PRKCA: variants seen among roughly 807,000 people sequenced by gnomAD.
PRKCA encodes protein kinase C alpha type.
Under a neutral mutation model 87.0 loss-of-function variants are expected in PRKCA, and 27 were observed. That is an observed-to-expected ratio of 0.31 (90% CI 0.23 to 0.43). PRKCA has a LOEUF of 0.43. PRKCA is among the 20% of genes least tolerant of loss of function. The probability of loss-of-function intolerance (pLI) is 1.00; values close to 1 mark genes in which losing one functional copy is unlikely to be tolerated. For synonymous variants in PRKCA, 329 were observed against 311.1 expected (o/e 1.06, Z -0.61); for missense variants, 518 against 852.3 (o/e 0.61, Z 4.88).
intron 5 of PRKCA, among the ~76,000 whole-genome samples, chr17:66,646,269 C>T (rs1971451875): frequency 6.6e-6 from 1 of 152,212 alleles, no homozygotes; most frequent in South Asian, 2.1e-4. Context: ...TCTGCCACAA[C>T]ATGGCTTTTT....
At chr17:66,499,878 A>G (rs936641469) in intron 3 of PRKCA, among the ~76,000 whole-genome samples, 2 of 152,186 alleles carry the variant, frequency 1.3e-5, no homozygotes, top group Non-Finnish European at 2.9e-5. Context: ...ATGCATTCAC[A>G]CCTGCATCCA....
At chr17:66,648,053 C>T (rs999520172) in intron 5 of PRKCA, among the ~76,000 whole-genome samples, 7 of 152,094 alleles carry the variant, frequency 4.6e-5, no homozygotes, top group Non-Finnish European at 1.0e-4. Context: ...AAGATCGAGG[C>T]CCCAGCAGAT....
intron 7 of PRKCA, 88 bp from the exon 8 acceptor site, chr17:66,688,863 A>G: frequency 1.3e-6 from 1 of 780,100 alleles, no homozygotes; most frequent in Non-Finnish European, 2.2e-6. Flanking sequence ...TCTCCGTAGG[A>G]TGCGTTTCAC....
chr17:66,706,415 C>T (rs1012700376), intron 8 of PRKCA, among the ~76,000 whole-genome samples: 1 of 151,658 alleles, frequency 6.6e-6, no homozygotes, highest in Non-Finnish European at 1.5e-5. Flanking sequence ...GCAGGCAGAT[C>T]GCAAGGTCAG....
chr17:66,695,942 T>C (rs1301061075), intron 8 of PRKCA, among the ~76,000 whole-genome samples: 1 of 152,188 alleles, frequency 6.6e-6, no homozygotes, highest in Admixed American at 6.5e-5. Flanking sequence ...TTGTATGAGC[T>C]CTCTAAAGGG....
chr17:66,570,735 T>C (rs1170554432), intron 3 of PRKCA, among the ~76,000 whole-genome samples: 1 of 152,186 alleles, frequency 6.6e-6, no homozygotes, highest in Non-Finnish European at 1.5e-5. Flanking sequence ...TCTGGAGCTG[T>C]GTATTTAAAT....
intron 5 of PRKCA, among the ~76,000 whole-genome samples, chr17:66,666,749 A>G (rs1446594295): frequency 6.6e-6 from 1 of 152,180 alleles, no homozygotes; most frequent in Admixed American, 6.5e-5. Context: ...CAGATAAATG[A>G]TATGTAGAAT....
chr17:66,482,768 A>G (rs879830382), intron 2 of PRKCA, among the ~76,000 whole-genome samples: 8 of 152,240 alleles, frequency 5.3e-5, no homozygotes, highest in Non-Finnish European at 1.2e-4. Flanking sequence ...TTAAAGTAAT[A>G]TATTTAACCC....
chr17:66,362,881 A>G (rs1908479005), intron 2 of PRKCA, among the ~76,000 whole-genome samples: 1 of 151,898 alleles, frequency 6.6e-6, no homozygotes, highest in Admixed American at 6.6e-5. Flanking sequence ...TTTAGTAGAG[A>G]TGGGATTTTG....
At chr17:66,334,822 A>G (rs1033693660) in intron 2 of PRKCA, among the ~76,000 whole-genome samples, 33 of 152,244 alleles carry the variant, frequency 2.2e-4, no homozygotes, top group Non-Finnish European at 2.9e-5. Context: ...TCATAGCAGT[A>G]TTCATAATAG....
Position 66,788,926 on chromosome 17 carries a change from G to T in PRKCA, c.1801G>T (p.Asp601Tyr), listed in dbSNP as rs923604011. 2 of 1,614,072 alleles carry T rather than the reference G, an allele frequency of 1.2e-6. No individual in the cohort carries two copies. Among genetic ancestry groups the T allele is most frequent in the Non-Finnish European group, 1.7e-6 (2 of 1,179,998 alleles). The stretch of plus-strand genomic sequence containing the variant: ...AGAGCATGCCTTCTTCCGGAGGATC[G>T]ACTGGGAAAAACTGGAGAACAGGGA... Reference protein sequence around the residue: ...VREHAFFRRIDWEKLENREIQ... With the variant: ...VREHAFFRRIYWEKLENREIQ... Residue 601 changes from aspartate (D) to tyrosine (Y), a missense_variant, in exon 16 of 17, where the codon GAC (aspartate) becomes TAC (tyrosine). By Grantham distance (160) the Asp-to-Tyr change is radical. Transcript: ENST00000413366.
Position 66,689,123 on chromosome 17 carries a change from C to A in PRKCA, c.918+76C>A. 1.1e-6 allele frequency: 1 copy of A among 924,418 alleles called. No homozygotes were observed. The highest frequency in any genetic ancestry group is 1.6e-6 in the Non-Finnish European group (1 of 618,044). The allele number at this position is 924,418 out of a possible 1,614,324, so 57.3% of individuals were successfully genotyped here. On this transcript the variant is annotated intron_variant, in intron 8 of 16. Transcript: ENST00000413366. The surrounding 1 kb of genome is among the most constrained non-coding windows in gnomAD (Gnocchi z 4.1). ...TCAGGAACGGCCGAGATGTTGTGGT[C>A]ACATTTTTGAAAAGCAAAAAAAAAG...
intron 8 of PRKCA, among the ~76,000 whole-genome samples, chr17:66,721,211 A>ATCC (rs1973606344): frequency 6.6e-6 from 1 of 152,098 alleles, no homozygotes; most frequent in Non-Finnish European, 1.5e-5. Flanking sequence ...CCTGGCTAAC[A>ATCC]TGGTGAAACC....
intron 2 of PRKCA, among the ~76,000 whole-genome samples, chr17:66,426,460 C>T (rs904926209): frequency 3.3e-5 from 5 of 151,930 alleles, no homozygotes; most frequent in South Asian, 2.1e-4. Flanking sequence ...TCCAGGGAGG[C>T]GGAGTAAACA....
intron 1 of PRKCA, among the ~76,000 whole-genome samples, chr17:66,303,280 C>T (rs1405250513): frequency 6.6e-6 from 1 of 152,040 alleles, no homozygotes; most frequent in Admixed American, 6.5e-5. Context: ...CGAAGGGGAT[C>T]CCTCTCCGGG....
intron 2 of PRKCA, among the ~76,000 whole-genome samples, chr17:66,387,528 C>G (rs777339820): frequency 5.3e-5 from 8 of 152,248 alleles, no homozygotes; most frequent in Non-Finnish European, 7.3e-5. Context: ...GTAAAAGGAG[C>G]CTTTCATCTT....
intron 2 of PRKCA, among the ~76,000 whole-genome samples, chr17:66,419,422 G>A (rs927374581): frequency 1.3e-5 from 2 of 152,030 alleles, no homozygotes; most frequent in Admixed American, 6.6e-5. Flanking sequence ...GTTATTTTAA[G>A]GTTATATGTT....
chr17:66,465,802 C>A (rs1029745195), intron 2 of PRKCA, among the ~76,000 whole-genome samples: 1 of 152,192 alleles, frequency 6.6e-6, no homozygotes, highest in African/African-American at 2.4e-5. Flanking sequence ...CATTCCACAA[C>A]CTCTTTCCAC....
In PRKCA at chr17:66,798,968, A is replaced by ATGGTGGTGGTGGTGGTGGTGG. The variant is rs1555650885; in HGVS notation, c.1855-4848_1855-4828dup. On this transcript the variant is annotated intron_variant, in intron 16 of 16. Coordinates refer to ENST00000413366, the MANE Select transcript of PRKCA (RefSeq NM_002737.3). Reference sequence around the variant, plus strand: ...GGTGGTGGTGGTGGTGGTGGTGGTGATGGTGGTGGTGGTGGTGGTGGTGGT... The same window carrying ATGGTGGTGGTGGTGGTGGTGG: ...GGTGGTGGTGGTGGTGGTGGTGGTGATGGTGGTGGTGGTGGTGGTGGTGGTGGTGGTGGTGGTGGTGGTGGT... Among the ~76,000 whole-genome samples, 27 of 10,890 alleles carry ATGGTGGTGGTGGTGGTGGTGG rather than the reference A, an allele frequency of 2.5e-3. 7 individuals are homozygous for ATGGTGGTGGTGGTGGTGGTGG. Among genetic ancestry groups the ATGGTGGTGGTGGTGGTGGTGG allele is most frequent in the African/African-American group, 3.3e-3 (9 of 2,708 alleles). 7.1% of individuals were successfully genotyped at this position (10,890 alleles called of 152,430 possible). A position where few individuals can be genotyped will look rare whatever the true frequency, so the allele number is the denominator to read the frequency against.
Sources: gnomAD v4.1 joint callset for allele counts (sites outside exome capture counted in the v4.1 genomes callset) on GRCh38, gnomAD v4.1.1 for gene constraint, Gnocchi (gnomAD v3.1) non-coding constraint, MANE v1.5 for transcripts, NCBI Gene and HGNC (gene_info 2026-07-23, HGNC 2026-07-21) for gene names.